The following GLI2 variants were observed in gnomAD, a reference collection of about 807,000 sequenced individuals.
The protein encoded by GLI2 is transcription activator GLI2.
In GLI2, 22 loss-of-function variants were observed where a neutral mutation model predicts 78.9. The observed-to-expected ratio is 0.28, with a 90% CI of 0.20 to 0.40. GLI2 has a LOEUF of 0.40. Ranked by LOEUF, GLI2 falls within the 10% of genes least tolerant of loss-of-function variation. GLI2 has a pLI of 1.00. For synonymous variants in GLI2, 974 were observed against 963.7 expected, an observed-to-expected ratio of 1.01 and a Z score of -0.20; for missense variants, 2,097 against 2,213.2, an observed-to-expected ratio of 0.95 and a Z score of 1.05.
intron 1 of GLI2, among the ~76,000 whole-genome samples, chr2:120,771,451 C>T (rs536067097): frequency 2.0e-5 from 3 of 152,350 alleles, no homozygotes; most frequent in Non-Finnish European, 4.4e-5. Flanking sequence ...TCCAAGCGTC[C>T]TTCCTTTCAA....
chr2:120,818,219 AGCCT>A, intron 2 of GLI2, among the ~76,000 whole-genome samples: 1 of 152,312 alleles, frequency 6.6e-6, no homozygotes, highest in South Asian at 2.1e-4. Context: ...GCCTCTTCCA[AGCCT>A]GCAGGGCAGG....
intron 2 of GLI2, among the ~76,000 whole-genome samples, chr2:120,924,771 T>G (rs1679577946): frequency 6.6e-6 from 1 of 152,188 alleles, no homozygotes; most frequent in Non-Finnish European, 1.5e-5. Context: ...GAGCCAGTTT[T>G]CCTGTGCCCC....
chr2:120,886,095 G>A (rs573816428), intron 2 of GLI2, among the ~76,000 whole-genome samples: 1 of 151,838 alleles, frequency 6.6e-6, no homozygotes, highest in South Asian at 2.1e-4. Context: ...GTGTGTCTGT[G>A]TGTTTTGGTT....
Position 120,737,576 on chromosome 2 carries a change from G to A in GLI2, c.-31+1291G>A, listed in dbSNP as rs1343705780. Among the ~76,000 whole-genome samples, 2 of 152,184 alleles carry A rather than the reference G, an allele frequency of 1.3e-5. No homozygotes were observed. The highest frequency in any genetic ancestry group is 1.3e-4 in the Admixed American group (2 of 15,290). The stretch of plus-strand genomic sequence containing the variant: ...GTCCCCCAGCCCGGGCATCCCGCTC[G>A]GTGCGCGACCTCTGGCACGGGCTTT... On this transcript the variant is annotated intron_variant, in intron 1 of 13. Coordinates refer to ENST00000361492, the MANE Select transcript of GLI2 (RefSeq NM_001374353.1). The surrounding 1 kb of genome is among the most constrained non-coding windows in gnomAD (Gnocchi z 4.3).
chr2:120,975,100 G>A lies in GLI2; in HGVS notation c.1308G>A (p.Gln436=). The change falls in exon 9 of 14, where the codon CAG becomes CAA. Residue 436 remains glutamine, a synonymous_variant. Transcript: ENST00000361492. ...CCAAGGAGTACGACACCCAGGAGCAGCTGGTGCATGTAAGCTTTTGAACCC... is the reference window on the plus strand; with the variant it reads ...CCAAGGAGTACGACACCCAGGAGCAACTGGTGCATGTAAGCTTTTGAACCC... ...DCTKEYDTQE[Q]LVHHINNEHI... 1 of 1,613,902 alleles carries A rather than the reference G, an allele frequency of 6.2e-7. No individual in the cohort carries two copies. The highest frequency in any genetic ancestry group is 8.5e-7 in the Non-Finnish European group (1 of 1,180,030).
chr2:120,811,688 G>A (rs184587075), intron 2 of GLI2, among the ~76,000 whole-genome samples: 243 of 152,244 alleles, frequency 1.6e-3, no homozygotes, highest in Non-Finnish European at 2.5e-3. Context: ...AATTTGGATG[G>A]AGGGGTAGTA....
intron 2 of GLI2, among the ~76,000 whole-genome samples, chr2:120,856,155 G>T (rs1354056196): frequency 6.6e-6 from 1 of 152,160 alleles, no homozygotes; most frequent in Non-Finnish European, 1.5e-5. Context: ...TCTCCCTGCT[G>T]TCCATCCCGC....
chr2:120,851,136 T>TA (rs763716712), intron 2 of GLI2, among the ~76,000 whole-genome samples: 1 of 152,124 alleles, frequency 6.6e-6, no homozygotes, highest in Non-Finnish European at 1.5e-5. Flanking sequence ...TAGATTTTTT[T>TA]AAAAAAAGAA....
At chr2:120,845,145 C>T (rs934470652) in intron 2 of GLI2, among the ~76,000 whole-genome samples, 9 of 152,034 alleles carry the variant, frequency 5.9e-5, no homozygotes, top group South Asian at 2.1e-4. Context: ...TGGTGGTGCA[C>T]GCCTGTAATC....
intron 2 of GLI2, among the ~76,000 whole-genome samples, chr2:120,922,368 T>G (rs1558884487): frequency 6.6e-6 from 1 of 152,146 alleles, no homozygotes; most frequent in Non-Finnish European, 1.5e-5. Context: ...TCCCTGTCCA[T>G]CCTGGGGCAA....
intron 2 of GLI2, among the ~76,000 whole-genome samples, chr2:120,893,555 T>C (rs1461246892): frequency 6.7e-6 from 1 of 148,692 alleles, no homozygotes; most frequent in Non-Finnish European, 1.5e-5. Flanking sequence ...AGAAAGAAAG[T>C]GAAGGGAGTG....
At chr2:120,788,378 GGGAAGAATGTTCCTGGCA>G (rs1265394582) in intron 1 of GLI2, among the ~76,000 whole-genome samples, 1 of 152,244 alleles carries the variant, frequency 6.6e-6, no homozygotes, top group Non-Finnish European at 1.5e-5. Flanking sequence ...GTAGAGCAGA[GGGAAGAATGTTCCTGGCA>G]GGAAGGCATG....
chr2:120,841,539 A>T (rs551702293), intron 2 of GLI2, among the ~76,000 whole-genome samples: 6 of 152,322 alleles, frequency 3.9e-5, no homozygotes, highest in Non-Finnish European at 7.4e-5. Flanking sequence ...AGCTTAAGGT[A>T]AGCTTAAGTC....
At chr2:120,920,052 G>A (rs996468409) in intron 2 of GLI2, among the ~76,000 whole-genome samples, 9 of 152,350 alleles carry the variant, frequency 5.9e-5, no homozygotes, top group East Asian at 1.9e-4. Flanking sequence ...GGTCCAGGCC[G>A]GCCTGGTGCA....
chr2:120,834,330 A>G (rs1457897094), intron 2 of GLI2, among the ~76,000 whole-genome samples: 1 of 152,194 alleles, frequency 6.6e-6, no homozygotes, highest in African/African-American at 2.4e-5. Flanking sequence ...CTGGCAAGGC[A>G]GGGCCAGAAG....
intron 1 of GLI2, among the ~76,000 whole-genome samples, chr2:120,754,723 G>A (rs1220290209): frequency 1.3e-5 from 2 of 152,132 alleles, no homozygotes; most frequent in East Asian, 3.9e-4. Context: ...AGGTTGCTTT[G>A]AACATTTCTG....
chr2:120,818,409 C>A (rs1685605963), intron 2 of GLI2, among the ~76,000 whole-genome samples: 1 of 152,228 alleles, frequency 6.6e-6, no homozygotes, highest in Non-Finnish European at 1.5e-5. Context: ...GTGCACCGAC[C>A]CTTTGAACTG....
chr2:120,924,132 G>T (rs556329483), intron 2 of GLI2, among the ~76,000 whole-genome samples: 2 of 152,350 alleles, frequency 1.3e-5, no homozygotes, highest in South Asian at 2.1e-4. Context: ...GCACACCAGG[G>T]TGCTGGGGGA....
rs1679531392 is a variant in GLI2, at chr2:120,923,888, T to C, written c.149-3473T>C. Reference sequence around the variant, plus strand: ...CACACACACACACACCATGGCTTAGTCTTGTGGGGCAGAGAGGCAGCCTCA... The same window carrying C: ...CACACACACACACACCATGGCTTAGCCTTGTGGGGCAGAGAGGCAGCCTCA... On this transcript the variant is annotated intron_variant, in intron 2 of 13. Coordinates refer to ENST00000361492, the MANE Select transcript of GLI2 (RefSeq NM_001374353.1). 1.3e-5 allele frequency among the ~76,000 whole-genome samples: 2 copies of C among 151,824 alleles called. 1 individual carries two copies.
Sources: gnomAD v4.1 joint callset for allele counts (sites outside exome capture counted in the v4.1 genomes callset) on GRCh38, gnomAD v4.1.1 for gene constraint, Gnocchi (gnomAD v3.1) non-coding constraint, MANE v1.5 for transcripts, NCBI Gene and HGNC (gene_info 2026-07-23, HGNC 2026-07-21) for gene names.